MRGPRX3: variants seen among roughly 807,000 people sequenced by gnomAD.
MRGPRX3 encodes the protein mas-related G protein-coupled receptor member X3.
A neutral mutation model predicts 16.5 loss-of-function variants in MRGPRX3; 14 were observed. The observed-to-expected ratio is 0.85, with a 90% CI of 0.56 to 1.33. The LOEUF (loss-of-function observed/expected upper bound fraction) is 1.33. Among genes scored for constraint, MRGPRX3 ranks in the 40% most tolerant of loss-of-function variants. MRGPRX3 has a pLI of 0.00. For synonymous variants in MRGPRX3, 199 were observed against 180.1 expected (o/e 1.10, Z -0.84); for missense variants, 449 against 413.0 (o/e 1.09, Z -0.76).
At chr11:18,136,054 A>G (rs950987630) in intron 1 of MRGPRX3, among the ~76,000 whole-genome samples, 4 of 152,024 alleles carry the variant, frequency 2.6e-5, no homozygotes, top group Non-Finnish European at 5.9e-5. Context: ...ATCTCTCTTT[A>G]CAACCCAAGC....
upstream of MRGPRX3, among the ~76,000 whole-genome samples, chr11:18,130,517 A>G (rs1848950197): frequency 6.6e-6 from 1 of 152,196 alleles, no homozygotes; most frequent in East Asian, 1.9e-4. Context: ...CTGACATCAT[A>G]GATGACACAA....
At chr11:18,130,054 C>T (rs776044743), upstream of MRGPRX3, among the ~76,000 whole-genome samples, 2 of 152,102 alleles carry the variant, frequency 1.3e-5, no homozygotes, top group Non-Finnish European at 2.9e-5. Context: ...CCATATATGA[C>T]GGACCCACAG....
At chr11:18,133,210 G>C (rs1848978845) in intron 1 of MRGPRX3, among the ~76,000 whole-genome samples, 2 of 152,138 alleles carry the variant, frequency 1.3e-5, no homozygotes, top group African/African-American at 4.8e-5. Flanking sequence ...CAGAGTTAAG[G>C]GTCAGGATCC....
chr11:18,123,229 T>C (rs1848857931), intron 1 of MRGPRX3, among the ~76,000 whole-genome samples: 1 of 152,154 alleles, frequency 6.6e-6, no homozygotes, highest in Non-Finnish European at 1.5e-5. Flanking sequence ...TTGTTGCCAT[T>C]GCTTTTGGTG....
intron 1 of MRGPRX3, among the ~76,000 whole-genome samples, chr11:18,126,778 G>T (rs1236841887): frequency 1.3e-5 from 2 of 152,148 alleles, no homozygotes; most frequent in Admixed American, 6.5e-5. Context: ...TGCTGAGAAT[G>T]ATGGTTTCCA....
At chr11:18,128,009 G>C (rs780955200), upstream of MRGPRX3, among the ~76,000 whole-genome samples, 6 of 152,244 alleles carry the variant, frequency 3.9e-5, no homozygotes, top group Non-Finnish European at 7.3e-5. Flanking sequence ...CTCAGCTGCA[G>C]ATCTGTTGGA....
chr11:18,131,655 C>A (rs1191187444), upstream of MRGPRX3, among the ~76,000 whole-genome samples: 1 of 152,008 alleles, frequency 6.6e-6, no homozygotes, highest in Middle Eastern at 3.2e-3. Flanking sequence ...AGTAGATCGA[C>A]CATTTGATCC....
chr11:18,135,450 G>T (rs1260095910), intron 1 of MRGPRX3, among the ~76,000 whole-genome samples: 2 of 152,154 alleles, frequency 1.3e-5, no homozygotes, highest in Non-Finnish European at 2.9e-5. Context: ...CATGATGGAT[G>T]CACTCACTCC....
chr11:18,133,925 T>C (rs1185423929), intron 1 of MRGPRX3, among the ~76,000 whole-genome samples: 1 of 152,208 alleles, frequency 6.6e-6, no homozygotes, highest in Admixed American at 6.5e-5. Flanking sequence ...ATCCCACTGA[T>C]GTGGTACATA....
upstream of MRGPRX3, among the ~76,000 whole-genome samples, chr11:18,131,667 G>T (rs2134083280): frequency 6.6e-6 from 1 of 152,026 alleles, no homozygotes; most frequent in African/African-American, 2.4e-5. Context: ...ATTTGATCCA[G>T]CAATCCCATT....
chr11:18,135,186 T>C (rs538891841), intron 1 of MRGPRX3, among the ~76,000 whole-genome samples: 1 of 152,260 alleles, frequency 6.6e-6, no homozygotes, highest in East Asian at 1.9e-4. Flanking sequence ...GATAATACCA[T>C]AGACAGTCTT....
chr11:18,135,639 C>T (rs1849001211), intron 1 of MRGPRX3, among the ~76,000 whole-genome samples: 2 of 152,180 alleles, frequency 1.3e-5, no homozygotes, highest in African/African-American at 4.8e-5. Flanking sequence ...TCATTTGCTT[C>T]TCATTCTCTA....
chr11:18,122,289 G>C (rs1848848275), intron 1 of MRGPRX3, among the ~76,000 whole-genome samples: 1 of 152,100 alleles, frequency 6.6e-6, no homozygotes, highest in Non-Finnish European at 1.5e-5. Flanking sequence ...TGCCATGCTG[G>C]TTTGCTGCAC....
upstream of MRGPRX3, among the ~76,000 whole-genome samples, chr11:18,127,938 G>C (rs1410974985): frequency 2.0e-5 from 3 of 152,214 alleles, no homozygotes; most frequent in Non-Finnish European, 4.4e-5. Context: ...GTGATATACA[G>C]ATGGGGTTTT....
chr11:18,127,464 T>C (rs186467015), intron 1 of MRGPRX3, among the ~76,000 whole-genome samples: 5 of 152,340 alleles, frequency 3.3e-5, no homozygotes, highest in African/African-American at 1.2e-4. Context: ...GAGGCTTTGT[T>C]CCTTTCTTTT....
intron 1 of MRGPRX3, among the ~76,000 whole-genome samples, chr11:18,124,066 T>G (rs1047994663): frequency 6.6e-6 from 1 of 152,230 alleles, no homozygotes; most frequent in Non-Finnish European, 1.5e-5. Flanking sequence ...TGAATTTGCT[T>G]ATCAGCTTAA....
intron 1 of MRGPRX3, among the ~76,000 whole-genome samples, chr11:18,123,245 G>T (rs904205845): frequency 2.0e-5 from 3 of 152,022 alleles, no homozygotes; most frequent in African/African-American, 7.3e-5. Flanking sequence ...TGGTGTTTTA[G>T]ACACGAAGTC....
upstream of MRGPRX3, among the ~76,000 whole-genome samples, chr11:18,128,621 T>C (rs1214347276): frequency 1.3e-5 from 2 of 152,214 alleles, no homozygotes; most frequent in African/African-American, 2.4e-5. Flanking sequence ...GCTAAGACCG[T>C]TGGGAAAGCG....
Position 18,124,955 on chromosome 11 carries a change from G to T in MRGPRX3, c.-152+3791G>T, listed in dbSNP as rs188113547. Among the ~76,000 whole-genome samples, 1,295 of 152,278 alleles carry T rather than the reference G, an allele frequency of 8.5e-3. 15 individuals are homozygous for T. The highest frequency in any genetic ancestry group is 0.03 in the African/African-American group (1,252 of 41,548). On this transcript the variant is annotated intron_variant, in intron 1 of 2. Coordinates refer to the MRGPRX3 transcript ENST00000396275. Reference sequence around the variant, plus strand: ...TCGAGGAATTTATCCATTTCTTCTAGATTTTCTAGTTTATTTGCATAGAGG... The same window carrying T: ...TCGAGGAATTTATCCATTTCTTCTATATTTTCTAGTTTATTTGCATAGAGG...
Sources: allele counts gnomAD v4.1 joint callset (sites outside exome capture counted in the v4.1 genomes callset), GRCh38; gene constraint gnomAD v4.1.1; transcripts MANE v1.5; gene names NCBI Gene and HGNC (gene_info 2026-07-23, HGNC 2026-07-21).